CAST: variants seen among roughly 807,000 people sequenced by gnomAD.
CAST encodes the protein MIR583 host.
A neutral mutation model predicts 119.6 loss-of-function variants in CAST; 76 were observed. The ratio of observed to expected loss-of-function variants is 0.64; its 90% CI spans 0.53 to 0.77. CAST has a LOEUF of 0.77. CAST is among the 30% of genes least tolerant of loss of function. CAST has a pLI of 0.00. For missense variants in CAST, 953 were observed against 946.5 expected, an observed-to-expected ratio of 1.01 and a Z score of -0.09; for synonymous variants, 319 against 331.6, an observed-to-expected ratio of 0.96 and a Z score of 0.41.
the CAST span, among the ~76,000 whole-genome samples, chr5:96,362,595 C>G: frequency 6.6e-6 from 1 of 152,304 alleles, no homozygotes; most frequent in East Asian, 1.9e-4. Context: ...TGATGATGAG[C>G]ATTTTTTCAT....
At chr5:96,255,471 G>A in the CAST span, among the ~76,000 whole-genome samples, 2 of 152,144 alleles carry the variant, frequency 1.3e-5, no homozygotes, top group Non-Finnish European at 2.9e-5. Flanking sequence ...CAATGACGAT[G>A]AATTTTATTA....
chr5:96,414,775 T>C, the CAST span, among the ~76,000 whole-genome samples: 11 of 152,208 alleles, frequency 7.2e-5, no homozygotes, highest in African/African-American at 2.7e-4. Context: ...GTGAATTCTT[T>C]TACTAGCTAA....
At chr5:96,432,022 A>G in the CAST span, 3 of 1,224,210 alleles carry the variant, frequency 2.5e-6, no homozygotes, top group East Asian at 5.1e-5. Flanking sequence ...CTACCTATCG[A>G]CCAAGCCTTC....
the CAST span, among the ~76,000 whole-genome samples, chr5:96,189,994 C>T: frequency 6.6e-6 from 1 of 152,102 alleles, no homozygotes; most frequent in Non-Finnish European, 1.5e-5. Context: ...CCTTGCTTAT[C>T]AGTTCTTATT....
chr5:96,317,336 G>A, the CAST span, among the ~76,000 whole-genome samples: 276 of 150,940 alleles, frequency 1.8e-3, 1 homozygote, highest in African/African-American at 6.5e-3. Flanking sequence ...AATTAGCTGG[G>A]CATGGTGGTG....
chr5:96,059,968 G>GA, the CAST span, among the ~76,000 whole-genome samples: 2 of 151,978 alleles, frequency 1.3e-5, no homozygotes, highest in African/African-American at 2.4e-5. Flanking sequence ...TCTAATAAAT[G>GA]AAAAAAACCA....
At chr5:96,694,463 C>G (rs1753057676) in intron 2 of CAST, among the ~76,000 whole-genome samples, 1 of 152,060 alleles carries the variant, frequency 6.6e-6, no homozygotes, top group East Asian at 1.9e-4. Context: ...CGCTGAAACC[C>G]TACTAAATAT....
chr5:96,738,540 G>A (rs1026027521), intron 11 of CAST, among the ~76,000 whole-genome samples: 4 of 152,082 alleles, frequency 2.6e-5, no homozygotes, highest in African/African-American at 7.2e-5. Flanking sequence ...CAAGATTTAA[G>A]TATAATGGAC....
the CAST span, among the ~76,000 whole-genome samples, chr5:96,325,062 G>A: frequency 6.6e-6 from 1 of 152,076 alleles, no homozygotes; most frequent in Non-Finnish European, 1.5e-5. Flanking sequence ...AAAATTAGCT[G>A]GGTATGGTGG....
chr5:96,246,758 C>T, the CAST span, among the ~76,000 whole-genome samples: 370 of 152,330 alleles, frequency 2.4e-3, 1 homozygote, highest in Non-Finnish European at 3.7e-3. Context: ...CCCACTTTCA[C>T]ATTTCCTGGC....
the CAST span, among the ~76,000 whole-genome samples, chr5:96,504,843 A>G: frequency 3.9e-5 from 6 of 152,218 alleles, no homozygotes; most frequent in African/African-American, 1.4e-4. Context: ...TGCCATTTCT[A>G]GAAATTTCGT....
chr5:96,272,555 C>T, the CAST span, among the ~76,000 whole-genome samples: 1 of 152,056 alleles, frequency 6.6e-6, no homozygotes, highest in Non-Finnish European at 1.5e-5. Flanking sequence ...AAAAGTGGAT[C>T]TCATGAAGAC....
the CAST span, chr5:96,421,797 G>T: frequency 2.5e-5 from 21 of 828,428 alleles, no homozygotes; most frequent in Non-Finnish European, 4.3e-5. Flanking sequence ...CTGGAATGTG[G>T]ATGAAATATA....
Position 96,743,646 on chromosome 5 carries a change from C to T in CAST, c.1200+890C>T, listed in dbSNP as rs780684334. 4.3e-5 allele frequency: 70 copies of T among 1,612,936 alleles called. 1 individual carries two copies. The highest frequency in any genetic ancestry group is 3.3e-4 in the Middle Eastern group (2 of 6,080). Reference sequence around the variant, plus strand: ...CCTAAGATGGGCCAGTTTCTATCTTCGACTTTCTTGGAGGGCTCACCGGCC... The same window carrying T: ...CCTAAGATGGGCCAGTTTCTATCTTTGACTTTCTTGGAGGGCTCACCGGCC... On this transcript the variant is annotated intron_variant, in intron 16 of 31. Transcript: ENST00000675179.
intron 1 of CAST, among the ~76,000 whole-genome samples, chr5:96,560,966 T>G (rs970591761): frequency 1.3e-5 from 2 of 152,122 alleles, no homozygotes; most frequent in Admixed American, 6.5e-5. Context: ...TGTCCAACAA[T>G]GATAGACTGG....
the CAST span, among the ~76,000 whole-genome samples, chr5:96,461,204 T>C: frequency 6.6e-6 from 1 of 152,176 alleles, no homozygotes; most frequent in Non-Finnish European, 1.5e-5. Context: ...TCATCCCTTT[T>C]TATGACTGAA....
At chr5:96,112,857 C>T in the CAST span, among the ~76,000 whole-genome samples, 33 of 152,254 alleles carry the variant, frequency 2.2e-4, no homozygotes, top group East Asian at 1.5e-3. Context: ...CATGATCATG[C>T]GGCTGACTGG....
the CAST span, among the ~76,000 whole-genome samples, chr5:96,262,747 A>G: frequency 6.6e-6 from 1 of 152,028 alleles, no homozygotes; most frequent in South Asian, 2.1e-4. Context: ...ACGTTAGCCA[A>G]GACGGTCTCG....
chr5:96,438,862 T>C, the CAST span, among the ~76,000 whole-genome samples: 1 of 152,162 alleles, frequency 6.6e-6, no homozygotes, highest in African/African-American at 2.4e-5. Context: ...TTGGAGAAAA[T>C]GAAAATAATT....
Sources: allele counts gnomAD v4.1 joint callset (sites outside exome capture counted in the v4.1 genomes callset), GRCh38; gene constraint gnomAD v4.1.1; transcripts MANE v1.5; gene names NCBI Gene and HGNC (gene_info 2026-07-23, HGNC 2026-07-21).